The following DPP9 variants were observed in gnomAD, a reference collection of about 807,000 sequenced individuals.
The protein encoded by DPP9 is dipeptidyl peptidase IV-related protein-2.
In DPP9, 50 loss-of-function variants were observed where a neutral mutation model predicts 110.7. The ratio of observed to expected loss-of-function variants is 0.45; its 90% CI spans 0.36 to 0.57. DPP9 has a LOEUF of 0.57. Among genes scored for constraint, DPP9 ranks in the 20% least tolerant of loss-of-function variants. DPP9 has a pLI of 0.00. For missense variants in DPP9, 1,022 were observed against 1,217.9 expected (o/e 0.84, Z 2.39); for synonymous variants, 561 against 514.4 (o/e 1.09, Z -1.23).
At position 4,693,306 on chromosome 19, in the gene DPP9, G is replaced by C. The variant is rs2091491472; in HGVS notation, c.1516+1355C>G. ...CTCTATCCAGAAGTGACCCTTGGGA[G>C]CTCTGTCCCATCCCGAGGCTGACAC... On this transcript the variant is annotated intron_variant, in intron 13 of 21. Transcript: ENST00000262960. The surrounding 1 kb of genome is among the most constrained non-coding windows in gnomAD (Gnocchi z 5.0). 6.6e-6 allele frequency among the ~76,000 whole-genome samples: 1 copy of C among 152,202 alleles called. No individual in the cohort carries two copies. Among genetic ancestry groups the C allele is most frequent in the Admixed American group, 6.5e-5 (1 of 15,284 alleles).
intron 4 of DPP9, among the ~76,000 whole-genome samples, chr19:4,713,496 G>A (rs1401361073): frequency 1.3e-5 from 2 of 152,234 alleles, no homozygotes; most frequent in African/African-American, 4.8e-5. Flanking sequence ...GCCCAGAGGA[G>A]GAAGTGTGGA....
chr19:4,722,190 C>G (rs2093352673), intron 2 of DPP9: 2 of 350,552 alleles, frequency 5.7e-6, no homozygotes, highest in Non-Finnish European at 1.0e-5. Context: ...ACACCATTTA[C>G]TGACCGGGTC....
Position 4,723,670 on chromosome 19 carries a change from T to C in DPP9, c.-89+4A>G. ...GCGGGACGAGGCGCGCGGGCGCTGC[T>C]CACCGGGACGTGGGGCGGCGGCCGG... On this transcript the variant is annotated splice_donor_region_variant and intron_variant, in intron 1 of 21. Coordinates refer to ENST00000262960, the MANE Select transcript of DPP9 (RefSeq NM_139159.5). The C allele has an allele frequency of 6.4e-6, 1 of 157,322 alleles. No homozygotes were observed. The highest frequency in any genetic ancestry group is 1.4e-5 in the Non-Finnish European group (1 of 71,362). 9.7% of individuals were successfully genotyped at this position (157,322 alleles called of 1,614,324 possible). A position where few individuals can be genotyped will look rare whatever the true frequency, so the allele number is the denominator to read the frequency against.
At position 4,676,034 on chromosome 19, in the gene DPP9, A is replaced by G. The variant is rs1392513228; in HGVS notation, c.*530T>C. The G allele has an allele frequency of 1.3e-5, 2 of 153,630 alleles. No homozygotes were observed. Among genetic ancestry groups the G allele is most frequent in the Admixed American group, 6.5e-5 (1 of 15,450 alleles). 9.5% of individuals were successfully genotyped at this position (153,630 alleles called of 1,614,324 possible). Reference sequence around the variant, plus strand: ...GTGATCCGCCCGCCTCAGCCTCCCAAAGTGCTGGGATTACAGACGTGAGCC... The same window carrying G: ...GTGATCCGCCCGCCTCAGCCTCCCAGAGTGCTGGGATTACAGACGTGAGCC... On this transcript the variant is annotated 3_prime_UTR_variant, in exon 22 of 22. Transcript: ENST00000262960. The surrounding 1 kb of genome is among the most constrained non-coding windows in gnomAD (Gnocchi z 4.0).
intron 13 of DPP9, among the ~76,000 whole-genome samples, chr19:4,691,166 G>A (rs1195606838): frequency 6.6e-6 from 1 of 152,164 alleles, no homozygotes; most frequent in Non-Finnish European, 1.5e-5. Context: ...CATGTGGATG[G>A]CAGGCCCAGT....
rs779821581 is a variant in DPP9, at chr19:4,695,438, A to G, written c.1293T>C (p.Ala431=). 5 of 1,593,862 alleles carry G rather than the reference A, an allele frequency of 3.1e-6. No individual in the cohort carries two copies. In the East Asian group the frequency reaches 9.2e-5, roughly 29 times the overall value. The change falls in exon 12 of 22, where the codon GCT becomes GCC. Residue 431 remains alanine, a synonymous_variant. Coordinates refer to ENST00000262960, the MANE Select transcript of DPP9 (RefSeq NM_139159.5). The surrounding 1 kb of genome is among the most constrained non-coding windows in gnomAD (Gnocchi z 4.7). ...CATACGGCTGGACATTCCTGGGGAC[A>G]GCTCTGGCAGAGGCTAGCCGCTGCT... ...NEEQRLASAR[A]VPRNVQPYVV...
At position 4,684,541 on chromosome 19, in the gene DPP9, C is replaced by A; in HGVS notation, c.2178+122G>T. On this transcript the variant is annotated intron_variant, in intron 18 of 21. Coordinates refer to ENST00000262960, the MANE Select transcript of DPP9 (RefSeq NM_139159.5). This position sits in a 1 kb window ranked among gnomAD's most constrained non-coding sequence, Gnocchi z 4.8. ...GGCGCCTCATTGAGCCTGCGTCACCCCAGCCAGAAGTGCCCTTCTGCGGGT... is the reference window on the plus strand; with the variant it reads ...GGCGCCTCATTGAGCCTGCGTCACCACAGCCAGAAGTGCCCTTCTGCGGGT... 1 of 1,191,686 alleles carries A rather than the reference C, an allele frequency of 8.4e-7. No homozygotes were observed. The highest frequency in any genetic ancestry group is 1.5e-5 in the South Asian group (1 of 66,052). 73.8% of individuals were successfully genotyped at this position (1,191,686 alleles called of 1,614,324 possible). A position where few individuals can be genotyped will look rare whatever the true frequency, so the allele number is the denominator to read the frequency against.
chr19:4,689,868 T>C lies in DPP9; in HGVS notation c.1597-146A>G, dbSNP rs1213414760. 1 of 917,498 alleles carries C rather than the reference T, an allele frequency of 1.1e-6. No homozygotes were observed. The highest frequency in any genetic ancestry group is 1.6e-6 in the Non-Finnish European group (1 of 634,294). The allele number at this position is 917,498 out of a possible 1,614,324, so 56.8% of individuals were successfully genotyped here. A position where few individuals can be genotyped will look rare whatever the true frequency, so the allele number is the denominator to read the frequency against. ...CCAAGTCTGGCTTTAGGGCTGGAGA[T>C]GAACCATCCCTGAGAGATGCGCTTA... On this transcript the variant is annotated intron_variant, in intron 14 of 21. Coordinates refer to ENST00000262960, the MANE Select transcript of DPP9 (RefSeq NM_139159.5). This position sits in a 1 kb window ranked among gnomAD's most constrained non-coding sequence, Gnocchi z 7.0.
chr19:4,722,599 C>G, intron 1 of DPP9, 48 bp from the exon 2 acceptor site: 2 of 701,860 alleles, frequency 2.8e-6, no homozygotes, highest in Non-Finnish European at 5.2e-6. Context: ...ATGGAAGCAC[C>G]GGCCAGCCGT....
rs192053587 is a variant in DPP9 at position 4,693,603 on chromosome 19, C to T, written c.1516+1058G>A. On this transcript the variant is annotated intron_variant, in intron 13 of 21. Coordinates refer to ENST00000262960, the MANE Select transcript of DPP9 (RefSeq NM_139159.5). The surrounding 1 kb of genome is among the most constrained non-coding windows in gnomAD (Gnocchi z 5.0). ...AACGGTGTGGGCTCAGCTGTCCAAGCACATCCAGAATCAGACCCACCAGGA... is the reference window on the plus strand; with the variant it reads ...AACGGTGTGGGCTCAGCTGTCCAAGTACATCCAGAATCAGACCCACCAGGA... Among the ~76,000 whole-genome samples, 42 of 152,236 alleles carry T rather than the reference C, an allele frequency of 2.8e-4. No homozygotes were observed. The highest frequency in any genetic ancestry group is 9.9e-4 in the African/African-American group (41 of 41,566).
chr19:4,707,775 A>T (rs1165080662), intron 4 of DPP9, among the ~76,000 whole-genome samples: 1 of 151,450 alleles, frequency 6.6e-6, no homozygotes, highest in Non-Finnish European at 1.5e-5. Flanking sequence ...ACAGGCGCCC[A>T]CCACCACACC....
At position 4,719,865 on chromosome 19, in the gene DPP9, G is replaced by C; in HGVS notation, c.42C>G (p.Thr14=). Residue 14 remains threonine (T), a synonymous_variant, in exon 3 of 22, where the codon ACC becomes ACG. Transcript: ENST00000262960. ...GCCAACCTCACCTTCTCCAACTTCCGGTGTTCTCCTTGTCCAGGCGCAGTT... is the reference window on the plus strand; with the variant it reads ...GCCAACCTCACCTTCTCCAACTTCCCGTGTTCTCCTTGTCCAGGCGCAGTT... The part of the protein sequence containing the change: ...VKKLRLDKEN[T]GSWRSFSLNS... The C allele has an allele frequency of 3.9e-6, 6 of 1,551,732 alleles. No homozygotes were observed. Among genetic ancestry groups the C allele is most frequent in the Non-Finnish European group, 5.2e-6 (6 of 1,147,004 alleles).
At chr19:4,691,716 C>T (rs992023124) in intron 13 of DPP9, among the ~76,000 whole-genome samples, 6 of 129,492 alleles carry the variant, frequency 4.6e-5, no homozygotes, top group East Asian at 4.6e-4. Flanking sequence ...TTGCTCTTGT[C>T]GCCCAGGCTG....
chr19:4,692,814 A>C (rs1027480985), intron 13 of DPP9, among the ~76,000 whole-genome samples: 1 of 152,146 alleles, frequency 6.6e-6, no homozygotes, highest in Non-Finnish European at 1.5e-5. Context: ...CAGAAAGTGA[A>C]ACACCAATGA....
intron 2 of DPP9, 104 bp from the exon 3 acceptor site, chr19:4,720,045 C>T (rs1568337743): frequency 9.9e-7 from 1 of 1,014,356 alleles, no homozygotes; most frequent in Admixed American, 2.0e-5. Context: ...AGGCAGCCCC[C>T]CAAGCCTCCG....
At position 4,704,131 on chromosome 19, in the gene DPP9, C is replaced by A; in HGVS notation, c.600G>T (p.Met200Ile). ...HCRDGGKNGF[M>I]VSPMKPLEIK... is the part of the protein sequence containing the mutation. Reference sequence around the variant, plus strand: ...GCACACAGCCAGGGCCAGGGCTCACCATGAAGCCGTTCTTGCCGCCGTCGC... The same window carrying A: ...GCACACAGCCAGGGCCAGGGCTCACAATGAAGCCGTTCTTGCCGCCGTCGC... Residue 200 changes from methionine to isoleucine, a missense_variant and splice_region_variant, in exon 6 of 22, where the codon ATG (methionine) becomes ATT (isoleucine). Met to Ile is a conservative substitution (Grantham distance 10). This residue lies in a region of DPP9 where 810 missense variants were observed against 920.6 expected (regional missense o/e 0.88). Transcript: ENST00000262960. This position sits in a 1 kb window ranked among gnomAD's most constrained non-coding sequence, Gnocchi z 6.0. 1.2e-6 allele frequency: 2 copies of A among 1,613,952 alleles called. No individual in the cohort carries two copies. Among genetic ancestry groups the A allele is most frequent in the African/African-American group, 2.7e-5 (2 of 75,064 alleles).
intron 16 of DPP9, 125 bp downstream of exon 16, chr19:4,688,632 G>C (rs2145492388): frequency 4.2e-6 from 5 of 1,195,882 alleles, no homozygotes; most frequent in Non-Finnish European, 5.4e-6. Context: ...GGAGGGGCCT[G>C]GGTGCTGTGG....
chr19:4,677,245 G>A (rs1908755638), intron 21 of DPP9, among the ~76,000 whole-genome samples: 1 of 152,106 alleles, frequency 6.6e-6, no homozygotes, highest in Non-Finnish European at 1.5e-5. Context: ...GATCCACACG[G>A]GGATGCAGGT....
intron 5 of DPP9, among the ~76,000 whole-genome samples, chr19:4,705,215 ATTT>A (rs1291213580): frequency 6.6e-6 from 1 of 152,110 alleles, no homozygotes; most frequent in South Asian, 2.1e-4. Context: ...ATGTTATGTT[ATTT>A]TTATTGCTAT....
Sources: allele counts gnomAD v4.1 joint callset (sites outside exome capture counted in the v4.1 genomes callset), GRCh38; gene constraint gnomAD v4.1.1; regional missense constraint gnomAD v4.1.1; non-coding constraint Gnocchi (gnomAD v3.1); transcripts MANE v1.5; gene names NCBI Gene and HGNC (gene_info 2026-07-23, HGNC 2026-07-21).